The following DSCAM variants were observed in gnomAD, a reference collection of about 807,000 sequenced individuals.
The protein encoded by DSCAM is DS cell adhesion molecule.
DSCAM carries 47 observed loss-of-function variants against 217.7 expected under a neutral mutation model. The ratio of observed to expected loss-of-function variants is 0.22; its 90% CI spans 0.17 to 0.28. The LOEUF is 0.28. DSCAM is among the 10% of genes least tolerant of loss of function. The pLI, the probability that DSCAM is intolerant of heterozygous loss-of-function variation, is 1.00. For missense variants in DSCAM, 2,080 were observed against 2,618.3 expected, an observed-to-expected ratio of 0.79 and a Z score of 4.49; for synonymous variants, 1,056 against 1,015.3, an observed-to-expected ratio of 1.04 and a Z score of -0.76.
intron 1 of DSCAM, among the ~76,000 whole-genome samples, chr21:40,716,105 C>T (rs575363780): frequency 6.6e-6 from 1 of 152,262 alleles, no homozygotes; most frequent in African/African-American, 2.4e-5. Flanking sequence ...ATTACTGTCA[C>T]TTCTCCTTAT....
intron 15 of DSCAM, among the ~76,000 whole-genome samples, chr21:40,169,313 C>G (rs955493006): frequency 6.6e-6 from 1 of 152,086 alleles, no homozygotes; most frequent in East Asian, 1.9e-4. Context: ...ATAAGCCAAG[C>G]AGGAAATCAG....
At chr21:40,511,711 G>A (rs1046342361) in intron 3 of DSCAM, among the ~76,000 whole-genome samples, 1 of 152,056 alleles carries the variant, frequency 6.6e-6, no homozygotes, top group South Asian at 2.1e-4. Context: ...AGTATTCTCG[G>A]CCGGGCGCGG....
At chr21:40,602,053 C>CTTTTTTTTTTTTTTTTT (rs761687929) in intron 3 of DSCAM, among the ~76,000 whole-genome samples, 1 of 89,496 alleles carries the variant, frequency 1.1e-5, no homozygotes, top group African/African-American at 4.9e-5. Flanking sequence ...TCTGCTTCTA[C>CTTTTTTTTTTTTTTTTT]TTTTTTTTTT....
intron 3 of DSCAM, among the ~76,000 whole-genome samples, chr21:40,506,740 GT>G (rs1170024942): frequency 6.6e-6 from 1 of 152,132 alleles, no homozygotes; most frequent in African/African-American, 2.4e-5. Context: ...AGGAAGAAGC[GT>G]TTTTAAAACT....
chr21:40,629,954 T>C (rs962025736), intron 3 of DSCAM, among the ~76,000 whole-genome samples: 2 of 152,144 alleles, frequency 1.3e-5, no homozygotes, highest in Non-Finnish European at 1.5e-5. Context: ...AATGACAATA[T>C]AGACAACATA....
intron 3 of DSCAM, among the ~76,000 whole-genome samples, chr21:40,370,396 T>C (rs12329703): frequency 0.019 from 2,933 of 152,282 alleles, 44 homozygotes; most frequent in Middle Eastern, 0.034. Context: ...ATGTGATTTT[T>C]ATCTTTGAAA....
At chr21:40,143,976 T>G (rs2090323621) in intron 17 of DSCAM, among the ~76,000 whole-genome samples, 1 of 152,200 alleles carries the variant, frequency 6.6e-6, no homozygotes, top group Non-Finnish European at 1.5e-5. Context: ...AGCTTCTGGG[T>G]TATTCTCAGT....
chr21:40,577,952 G>A (rs1334545106), intron 3 of DSCAM, among the ~76,000 whole-genome samples: 1 of 152,178 alleles, frequency 6.6e-6, no homozygotes, highest in Non-Finnish European at 1.5e-5. Flanking sequence ...AAGTCCTTGA[G>A]GAAGGGGCTG....
intron 4 of DSCAM, among the ~76,000 whole-genome samples, chr21:40,361,129 TTA>T (rs535296947): frequency 3.0e-4 from 45 of 149,016 alleles, no homozygotes; most frequent in African/African-American, 4.4e-4. Flanking sequence ...CTTCAAACTT[TTA>T]TATATATATA....
chr21:40,210,271 A>G (rs2091169105), intron 11 of DSCAM, among the ~76,000 whole-genome samples: 1 of 152,128 alleles, frequency 6.6e-6, no homozygotes, highest in Non-Finnish European at 1.5e-5. Context: ...TCACCCCTAC[A>G]AGGGGCTCTC....
At chr21:40,304,721 G>A (rs1198707321) in intron 9 of DSCAM, among the ~76,000 whole-genome samples, 2 of 152,170 alleles carry the variant, frequency 1.3e-5, no homozygotes, top group Non-Finnish European at 1.5e-5. Context: ...TAGGAAGTAG[G>A]GAAGCTGAGA....
At chr21:40,194,637 A>G (rs973942437) in intron 11 of DSCAM, among the ~76,000 whole-genome samples, 6 of 152,232 alleles carry the variant, frequency 3.9e-5, no homozygotes, top group Non-Finnish European at 7.3e-5. Flanking sequence ...TTTGCTTCAT[A>G]AACTATAATA....
intron 19 of DSCAM, among the ~76,000 whole-genome samples, chr21:40,128,947 T>G (rs2090126472): frequency 6.6e-6 from 1 of 152,226 alleles, no homozygotes; most frequent in African/African-American, 2.4e-5. Context: ...TAAGCCCTCC[T>G]GTAACATACC....
At chr21:40,844,480 T>A (rs1203448046) in intron 1 of DSCAM, among the ~76,000 whole-genome samples, 3 of 152,126 alleles carry the variant, frequency 2.0e-5, no homozygotes, top group Non-Finnish European at 4.4e-5. Flanking sequence ...TTCATTTGTG[T>A]TTGCTGTTTA....
intron 10 of DSCAM, among the ~76,000 whole-genome samples, chr21:40,286,785 T>C (rs1214204287): frequency 6.9e-6 from 1 of 144,222 alleles, no homozygotes; most frequent in Non-Finnish European, 1.5e-5. Flanking sequence ...TGAAGCGTGA[T>C]CTGCAGTATG....
At chr21:40,523,817 A>C (rs2076378879) in intron 3 of DSCAM, among the ~76,000 whole-genome samples, 1 of 152,022 alleles carries the variant, frequency 6.6e-6, no homozygotes, top group African/African-American at 2.4e-5. Flanking sequence ...ACACACACAC[A>C]CACTGGGGCC....
intron 1 of DSCAM, among the ~76,000 whole-genome samples, chr21:40,751,437 C>T (rs1303374948): frequency 1.3e-5 from 2 of 152,206 alleles, no homozygotes; most frequent in Non-Finnish European, 2.9e-5. Flanking sequence ...ATGTGTGGCA[C>T]TCAGTATTTG....
intron 3 of DSCAM, among the ~76,000 whole-genome samples, chr21:40,479,093 A>C (rs1472773683): frequency 2.0e-5 from 3 of 152,226 alleles, no homozygotes; most frequent in Non-Finnish European, 4.4e-5. Context: ...CCTATGTGCC[A>C]GGTGCTGTGC....
At chr21:40,704,796 T>C (rs2090695022) in intron 2 of DSCAM, among the ~76,000 whole-genome samples, 1 of 152,000 alleles carries the variant, frequency 6.6e-6, no homozygotes, top group African/African-American at 2.4e-5. Context: ...CCAGTAGGAG[T>C]CATCTATGAT....
Sources: gnomAD v4.1 joint callset for allele counts (sites outside exome capture counted in the v4.1 genomes callset) on GRCh38, gnomAD v4.1.1 for gene constraint, MANE v1.5 for transcripts, NCBI Gene and HGNC (gene_info 2026-07-23, HGNC 2026-07-21) for gene names.